TBC1D22A: variants seen among roughly 807,000 people sequenced by gnomAD.
TBC1D22A encodes the protein putative GTPase activator.
Under a neutral mutation model 60.2 loss-of-function variants are expected in TBC1D22A, and 38 were observed. The observed-to-expected ratio is 0.63, with a 90% CI of 0.49 to 0.83. The LOEUF (loss-of-function observed/expected upper bound fraction) is 0.83, where lower values mean the gene tolerates loss of function less well. Ranked by LOEUF, TBC1D22A falls within the 40% of genes least tolerant of loss-of-function variation. TBC1D22A has a pLI of 0.00. For synonymous variants in TBC1D22A, 302 were observed against 281.7 expected, an observed-to-expected ratio of 1.07 and a Z score of -0.72; for missense variants, 628 against 701.0, an observed-to-expected ratio of 0.90 and a Z score of 1.18.
At chr22:47,034,067 G>A (rs939114300) in intron 10 of TBC1D22A, among the ~76,000 whole-genome samples, 1 of 152,220 alleles carries the variant, frequency 6.6e-6, no homozygotes, top group East Asian at 1.9e-4. Context: ...TCCACTTGCC[G>A]CGCTGCCCTT....
At chr22:47,003,229 A>G (rs1030997405) in intron 10 of TBC1D22A, among the ~76,000 whole-genome samples, 2 of 152,080 alleles carry the variant, frequency 1.3e-5, no homozygotes, top group Non-Finnish European at 2.9e-5. Flanking sequence ...ATTCTTCTGT[A>G]TTTATCTGGT....
chr22:46,875,275 A>C (rs932862323), intron 4 of TBC1D22A, among the ~76,000 whole-genome samples: 4 of 152,224 alleles, frequency 2.6e-5, no homozygotes, highest in African/African-American at 7.2e-5. Flanking sequence ...CATTCTGAGC[A>C]AAATAAATAG....
intron 6 of TBC1D22A, 104 bp from the exon 7 acceptor site, chr22:46,894,680 G>C (rs1385561888): frequency 1.3e-5 from 18 of 1,349,066 alleles, no homozygotes; most frequent in Non-Finnish European, 1.9e-5. Context: ...GAGCGGGGTA[G>C]AGGCCGGGGA....
intron 11 of TBC1D22A, among the ~76,000 whole-genome samples, chr22:47,038,433 G>A (rs745318513): frequency 1.4e-4 from 21 of 152,242 alleles, no homozygotes; most frequent in Non-Finnish European, 2.4e-4. Context: ...CCTTGCCCAT[G>A]GAGGTGGGGA....
chr22:46,866,959 C>T (rs182866451), intron 4 of TBC1D22A, among the ~76,000 whole-genome samples: 11 of 152,394 alleles, frequency 7.2e-5, no homozygotes, highest in Admixed American at 2.0e-4. Flanking sequence ...CCTTCACAAA[C>T]GTTTTGTATC....
intron 12 of TBC1D22A, among the ~76,000 whole-genome samples, chr22:47,125,826 G>T (rs569548404): frequency 6.6e-6 from 1 of 152,326 alleles, no homozygotes; most frequent in South Asian, 2.1e-4. Flanking sequence ...ACCCCAGCCT[G>T]AGCCCAGCTG....
At chr22:47,108,544 G>A (rs1343359878) in intron 11 of TBC1D22A, among the ~76,000 whole-genome samples, 2 of 152,184 alleles carry the variant, frequency 1.3e-5, no homozygotes, top group African/African-American at 2.4e-5. Context: ...CTGGGACTGG[G>A]AGGGCTCAAA....
intron 11 of TBC1D22A, among the ~76,000 whole-genome samples, chr22:47,108,595 A>G (rs1276701072): frequency 6.6e-6 from 1 of 152,268 alleles, no homozygotes; most frequent in African/African-American, 2.4e-5. Flanking sequence ...CTTTGGAGCC[A>G]TAGATATGTC....
At chr22:46,794,205 C>T (rs919629008) in intron 3 of TBC1D22A, among the ~76,000 whole-genome samples, 2 of 152,216 alleles carry the variant, frequency 1.3e-5, no homozygotes, top group African/African-American at 2.4e-5. Flanking sequence ...CCTCCTAACT[C>T]CACCAGCTTG....
At chr22:46,863,891 T>C (rs902265699) in intron 4 of TBC1D22A, among the ~76,000 whole-genome samples, 3 of 152,208 alleles carry the variant, frequency 2.0e-5, no homozygotes, top group African/African-American at 4.8e-5. Flanking sequence ...ACATCTCTTA[T>C]GTCCAGGGAC....
chr22:46,883,873 C>T (rs1428566162), intron 5 of TBC1D22A, among the ~76,000 whole-genome samples: 1 of 152,250 alleles, frequency 6.6e-6, no homozygotes, highest in Non-Finnish European at 1.5e-5. Flanking sequence ...TTCTCTCCAC[C>T]TCTGTCTTCT....
At chr22:47,022,414 A>T (rs131938) in intron 10 of TBC1D22A, among the ~76,000 whole-genome samples, 1 of 151,908 alleles carries the variant, frequency 6.6e-6, no homozygotes, top group African/African-American at 2.4e-5. Context: ...GTCAGGAGGC[A>T]CCTGCAGGTC....
chr22:46,849,857 G>A (rs1199970917), intron 4 of TBC1D22A, among the ~76,000 whole-genome samples: 1 of 152,174 alleles, frequency 6.6e-6, no homozygotes, highest in East Asian at 1.9e-4. Flanking sequence ...TGTGGCTGGT[G>A]GATTGCCGAA....
intron 11 of TBC1D22A, among the ~76,000 whole-genome samples, chr22:47,061,142 G>A (rs951301502): frequency 3.3e-5 from 5 of 149,644 alleles, no homozygotes; most frequent in South Asian, 2.2e-4. Flanking sequence ...GTTGAGCCAC[G>A]CTGTCTTCCT....
At chr22:46,924,443 C>T (rs966167802) in intron 8 of TBC1D22A, among the ~76,000 whole-genome samples, 1 of 152,188 alleles carries the variant, frequency 6.6e-6, no homozygotes. Context: ...ATAAATAGTG[C>T]ATTTACTTAA....
At chr22:46,786,434 G>C (rs1001039346) in intron 1 of TBC1D22A, among the ~76,000 whole-genome samples, 1 of 152,060 alleles carries the variant, frequency 6.6e-6, no homozygotes, top group Non-Finnish European at 1.5e-5. Context: ...GGGTTTTTAC[G>C]TGTATATTCA....
At chr22:46,961,864 C>T (rs2073523570) in intron 8 of TBC1D22A, among the ~76,000 whole-genome samples, 1 of 152,174 alleles carries the variant, frequency 6.6e-6, no homozygotes, top group South Asian at 2.1e-4. Flanking sequence ...GGGGAATTTG[C>T]TAGCAGAGAG....
chr22:46,919,384 G>C (rs990438770), intron 8 of TBC1D22A, among the ~76,000 whole-genome samples: 1 of 152,178 alleles, frequency 6.6e-6, no homozygotes, highest in Non-Finnish European at 1.5e-5. Flanking sequence ...GACGCAGCAC[G>C]TTGTGTTTCT....
At chr22:47,159,705 T>C (rs2067893472) in intron 12 of TBC1D22A, among the ~76,000 whole-genome samples, 1 of 149,850 alleles carries the variant, frequency 6.7e-6, no homozygotes, top group South Asian at 2.1e-4. Context: ...ACACCACATA[T>C]ACACACGCAC....
Sources: allele counts gnomAD v4.1 joint callset (sites outside exome capture counted in the v4.1 genomes callset), GRCh38; gene constraint gnomAD v4.1.1; transcripts MANE v1.5; gene names NCBI Gene and HGNC (gene_info 2026-07-23, HGNC 2026-07-21).